NUP88: variants seen among roughly 807,000 people sequenced by gnomAD.
The protein encoded by NUP88 is nuclear pore complex protein Nup88.
A neutral mutation model predicts 93.9 loss-of-function variants in NUP88; 57 were observed. That is an observed-to-expected ratio of 0.61 (90% confidence interval 0.49 to 0.76). NUP88 has a LOEUF of 0.76. NUP88 is among the 30% of genes least tolerant of loss of function. NUP88 has a pLI of 0.00. For missense variants in NUP88, 911 were observed against 901.0 expected, an observed-to-expected ratio of 1.01 and a Z score of -0.14; for synonymous variants, 346 against 336.8, an observed-to-expected ratio of 1.03 and a Z score of -0.30.
intron 7 of NUP88, among the ~76,000 whole-genome samples, chr17:5,400,155 A>AAAAAAAAAAAAAAAAC (rs1913058887): frequency 6.6e-6 from 1 of 151,000 alleles, no homozygotes; most frequent in Non-Finnish European, 1.5e-5. Flanking sequence ...AAAAAAAAAA[A>AAAAAAAAAAAAAAAAC]AAGCACTGTG....
Position 5,416,569 on chromosome 17 carries a change from AG to A in NUP88, c.410del (p.Pro137LeufsTer17). ...ATTCAGAATTCTTCCCCCATCTTTTAGGTAATTCTAATACCATAAGTCCTTT... is the reference window on the plus strand; with the variant it reads ...ATTCAGAATTCTTCCCCCATCTTTTAGTAATTCTAATACCATAAGTCCTTT... ...GIKGLMVLEL[P>X]KRWGKNSEFE... On this transcript the variant is annotated frameshift_variant, in exon 2 of 17. Coordinates refer to ENST00000573584, the MANE Select transcript of NUP88 (RefSeq NM_002532.6). LOFTEE classifies it high-confidence loss of function. 1 of 1,612,010 alleles carries A rather than the reference AG, an allele frequency of 6.2e-7. No individual in the cohort carries two copies. The highest frequency in any genetic ancestry group is 8.5e-7 in the Non-Finnish European group (1 of 1,179,174).
chr17:5,397,432 A>G (rs1180655913), intron 8 of NUP88, among the ~76,000 whole-genome samples: 1 of 152,184 alleles, frequency 6.6e-6, no homozygotes, highest in African/African-American at 2.4e-5. Flanking sequence ...AAAGTGAAAC[A>G]GAGTGATACA....
chr17:5,399,911 T>G (rs573150998), intron 7 of NUP88, among the ~76,000 whole-genome samples: 2 of 152,196 alleles, frequency 1.3e-5, no homozygotes, highest in South Asian at 4.2e-4. Flanking sequence ...AGAAATAAAG[T>G]GAGTCACACA....
chr17:5,400,513 A>C (rs8081041), intron 7 of NUP88, among the ~76,000 whole-genome samples: 63,656 of 150,342 alleles, frequency 0.42, 14,442 homozygotes, highest in East Asian at 0.84. Context: ...AAAAAAAAAA[A>C]AAAACTCAAT....
At chr17:5,405,537 C>T (rs1402139328) in intron 5 of NUP88, among the ~76,000 whole-genome samples, 2 of 152,132 alleles carry the variant, frequency 1.3e-5, no homozygotes, top group Non-Finnish European at 2.9e-5. Flanking sequence ...AGAGGCTAGA[C>T]AGAAGCCGCT....
At chr17:5,396,556 T>C (rs1262616954) in intron 8 of NUP88, among the ~76,000 whole-genome samples, 1 of 152,242 alleles carries the variant, frequency 6.6e-6, no homozygotes, top group Admixed American at 6.5e-5. Flanking sequence ...CTTGGGTATG[T>C]GGCTTCTGGG....
At position 5,388,870 on chromosome 17, in the gene NUP88, G is replaced by A; in HGVS notation, c.1575C>T (p.Thr525=). 1 of 1,613,990 alleles carries A rather than the reference G, an allele frequency of 6.2e-7. No individual in the cohort carries two copies. The highest frequency in any genetic ancestry group is 8.5e-7 in the Non-Finnish European group (1 of 1,179,936). ...AESPLRVLAE[T]PDSFEKHIRS... is the part of the protein sequence containing the mutation. ...TAATATGCTTTTCAAAGGAATCTGG[G>A]GTTTCAGCCAGAACACGGAGGGGAG... The change falls in exon 11 of 17, where the codon ACC becomes ACT. Residue 525 remains threonine, a synonymous_variant. Transcript: ENST00000573584.
intron 2 of NUP88, among the ~76,000 whole-genome samples, chr17:5,416,157 A>AGTATATATATAT (rs1376858837): frequency 1.4e-3 from 173 of 125,192 alleles, no homozygotes; most frequent in Non-Finnish European, 1.6e-3. Context: ...AAAAAAAAAA[A>AGTATATATATAT]AAAAAAAAAG....
At position 5,396,788 on chromosome 17, in the gene NUP88, C is replaced by T. The variant is rs537979797; in HGVS notation, c.1292-1807G>A. ...CCCATTTTTTCCCACATCCTCAACA[C>T]TTGTTAATGTCCATCTTTTTCATTT... On this transcript the variant is annotated intron_variant, in intron 8 of 16. Coordinates refer to ENST00000573584, the MANE Select transcript of NUP88 (RefSeq NM_002532.6). 2.6e-5 allele frequency among the ~76,000 whole-genome samples: 4 copies of T among 152,322 alleles called. No homozygotes were observed. The South Asian group carries it at 6.2e-4, about 24-fold the overall frequency.
chr17:5,403,061 C>T (rs569223295), intron 7 of NUP88, among the ~76,000 whole-genome samples: 20 of 152,222 alleles, frequency 1.3e-4, no homozygotes, highest in African/African-American at 4.8e-4. Flanking sequence ...CCATTTGGGG[C>T]CAGGTGCGCG....
In NUP88 at chr17:5,385,545, T is replaced by C. The variant is rs1236725141; in HGVS notation, c.*661A>G. On this transcript the variant is annotated 3_prime_UTR_variant, in exon 17 of 17. Coordinates refer to ENST00000573584, the MANE Select transcript of NUP88 (RefSeq NM_002532.6). ...GTGAAGTGAGGACAAAATCACATTC[T>C]GCATACTAACCTATTTTTTTCTCCC... The C allele has an allele frequency of 4.3e-6, 1 of 230,932 alleles. No individual in the cohort carries two copies. The allele number at this position is 230,932 out of a possible 1,614,324, so 14.3% of individuals were successfully genotyped here.
Position 5,387,793 on chromosome 17 carries a change from C to T in NUP88, c.1755G>A (p.Glu585=). 5.6e-6 allele frequency: 9 copies of T among 1,612,500 alleles called. No homozygotes were observed. Among genetic ancestry groups the T allele is most frequent in the Non-Finnish European group, 6.8e-6 (8 of 1,179,514 alleles). The change falls in exon 12 of 17, where the codon GAG becomes GAA. Residue 585 remains glutamate, a synonymous_variant. Coordinates refer to ENST00000573584, the MANE Select transcript of NUP88 (RefSeq NM_002532.6). ...GGACATCATACCTCCGCTGAATCTC[C>T]TCCTTTGCCAAGTCCTGTTTGAGAA... is the stretch of plus-strand genomic sequence containing the variant. ...QYILKQDLAK[E]EIQRRVKLLC...
chr17:5,406,731 C>A (rs886352305), intron 5 of NUP88, among the ~76,000 whole-genome samples: 2 of 151,192 alleles, frequency 1.3e-5, no homozygotes, highest in Non-Finnish European at 2.9e-5. Context: ...TTGGGCCACA[C>A]AGAAAATACA....
chr17:5,387,970 C>G (rs1912145675), intron 11 of NUP88, 66 bp from the exon 12 acceptor site: 1 of 1,500,680 alleles, frequency 6.7e-7, no homozygotes, highest in Non-Finnish European at 9.0e-7. Flanking sequence ...TAAATAGACT[C>G]AAGTCACAGG....
intron 10 of NUP88, among the ~76,000 whole-genome samples, chr17:5,391,024 G>C (rs1303693897): frequency 6.6e-6 from 1 of 152,164 alleles, no homozygotes; most frequent in East Asian, 1.9e-4. Flanking sequence ...CCCTCAGGCT[G>C]GCAGAGATGG....
chr17:5,396,728 C>G (rs911553889), intron 8 of NUP88, among the ~76,000 whole-genome samples: 2 of 152,182 alleles, frequency 1.3e-5, no homozygotes, highest in African/African-American at 4.8e-5. Context: ...AAAGACTGTA[C>G]CATTTTACAT....
chr17:5,407,151 T>A (rs2151643807), intron 5 of NUP88, among the ~76,000 whole-genome samples: 1 of 152,312 alleles, frequency 6.6e-6, no homozygotes. Context: ...TCCTCACCAT[T>A]CTGTAACCTA....
At chr17:5,411,095 A>G (rs1156868954) in intron 3 of NUP88, among the ~76,000 whole-genome samples, 1 of 152,152 alleles carries the variant, frequency 6.6e-6, no homozygotes. Flanking sequence ...TTGTCCAGTC[A>G]TCTCACTATT....
At chr17:5,401,460 TG>T (rs1913162948) in intron 7 of NUP88, among the ~76,000 whole-genome samples, 1 of 152,156 alleles carries the variant, frequency 6.6e-6, no homozygotes, top group Non-Finnish European at 1.5e-5. Context: ...GCTGATAAAA[TG>T]GCAACAATAA....
Sources: gnomAD v4.1 joint callset for allele counts (sites outside exome capture counted in the v4.1 genomes callset) on GRCh38, gnomAD v4.1.1 for gene constraint, MANE v1.5 for transcripts, NCBI Gene and HGNC (gene_info 2026-07-23, HGNC 2026-07-21) for gene names.